The following PLEKHG1 variants were observed in gnomAD, a reference collection of about 807,000 sequenced individuals.
The protein encoded by PLEKHG1 is pleckstrin homology and RhoGEF domain containing G1.
Under a neutral mutation model 100.8 loss-of-function variants are expected in PLEKHG1, and 44 were observed. The observed-to-expected ratio is 0.44, with a 90% CI of 0.34 to 0.56. The LOEUF (loss-of-function observed/expected upper bound fraction) is 0.56, where lower values mean the gene tolerates loss of function less well. Ranked by LOEUF, PLEKHG1 falls within the 20% of genes least tolerant of loss-of-function variation. The pLI is 0.01. For synonymous variants in PLEKHG1, 640 were observed against 662.5 expected, an observed-to-expected ratio of 0.97 and a Z score of 0.52; for missense variants, 1,545 against 1,720.9, an observed-to-expected ratio of 0.90 and a Z score of 1.81.
chr6:150,640,039 G>C (rs1471364772), intron 2 of PLEKHG1, among the ~76,000 whole-genome samples: 4 of 152,232 alleles, frequency 2.6e-5, no homozygotes, highest in Non-Finnish European at 5.9e-5. Context: ...CTTAATAGCA[G>C]ATCTTGGCCT....
intron 3 of PLEKHG1, among the ~76,000 whole-genome samples, chr6:150,682,795 TC>T (rs1241961654): frequency 3.9e-5 from 6 of 152,100 alleles, no homozygotes; most frequent in Non-Finnish European, 8.8e-5. Context: ...TGCCCAGTTT[TC>T]CCTTCCTATG....
At chr6:150,823,929 A>G (rs1488676226) in intron 14 of PLEKHG1, among the ~76,000 whole-genome samples, 1 of 152,188 alleles carries the variant, frequency 6.6e-6, no homozygotes, top group African/African-American at 2.4e-5. Context: ...TCTGCCCCAT[A>G]TCACACCTCA....
intron 2 of PLEKHG1, among the ~76,000 whole-genome samples, chr6:150,765,029 G>C (rs1033790818): frequency 6.6e-6 from 1 of 152,062 alleles, no homozygotes; most frequent in Admixed American, 6.6e-5. Context: ...TGGGAGGAAG[G>C]CTTGTATAAA....
At chr6:150,766,283 G>A (rs1784450640) in intron 2 of PLEKHG1, among the ~76,000 whole-genome samples, 1 of 151,808 alleles carries the variant, frequency 6.6e-6, no homozygotes, top group South Asian at 2.1e-4. Flanking sequence ...GTAACCATAG[G>A]TGCTGACATC....
intron 3 of PLEKHG1, among the ~76,000 whole-genome samples, chr6:150,699,736 C>T (rs900190747): frequency 1.2e-4 from 18 of 152,158 alleles, no homozygotes; most frequent in African/African-American, 3.9e-4. Context: ...AACAATAATT[C>T]GGTGGTGTCT....
chr6:150,817,542 GC>G (rs1444714774), intron 10 of PLEKHG1, among the ~76,000 whole-genome samples: 3 of 150,154 alleles, frequency 2.0e-5, no homozygotes, highest in African/African-American at 7.4e-5. Flanking sequence ...GGGTTGGGTG[GC>G]AAGAATCTGC....
chr6:150,727,845 A>G (rs1782039418), intron 1 of PLEKHG1, among the ~76,000 whole-genome samples: 1 of 152,200 alleles, frequency 6.6e-6, no homozygotes. Flanking sequence ...AGAAATTCTT[A>G]CATTGTTGGC....
chr6:150,652,007 C>T (rs1416285530), intron 3 of PLEKHG1: 1 of 152,220 alleles, frequency 6.6e-6, no homozygotes, highest in Non-Finnish European at 1.5e-5. Flanking sequence ...TGACCCATTT[C>T]AGAGTCATTT....
intron 1 of PLEKHG1, 92 bp from the exon 3 acceptor site, chr6:150,733,490 CTG>C: frequency 9.1e-7 from 1 of 1,093,184 alleles, no homozygotes; most frequent in Non-Finnish European, 1.3e-6. Flanking sequence ...TTGTTATTGA[CTG>C]TATTTATTTG....
intron 3 of PLEKHG1, among the ~76,000 whole-genome samples, chr6:150,667,193 G>A (rs571071761): frequency 2.0e-4 from 31 of 152,152 alleles, no homozygotes; most frequent in Admixed American, 1.7e-3. Context: ...TTAGGGTTGG[G>A]TCTGCATCAC....
At chr6:150,751,219 A>G (rs543420188) in intron 2 of PLEKHG1, among the ~76,000 whole-genome samples, 1 of 152,186 alleles carries the variant, frequency 6.6e-6, no homozygotes. Context: ...ACGTGTCTTC[A>G]TGTAGTTGGA....
chr6:150,788,188 A>G (rs537396777), intron 4 of PLEKHG1, among the ~76,000 whole-genome samples: 1 of 152,378 alleles, frequency 6.6e-6, no homozygotes, highest in East Asian at 1.9e-4. Context: ...GCCAAGTTTA[A>G]TTAGAAGACT....
At chr6:150,797,091 G>T (rs1212240503) in intron 5 of PLEKHG1, among the ~76,000 whole-genome samples, 1 of 152,018 alleles carries the variant, frequency 6.6e-6, no homozygotes, top group Non-Finnish European at 1.5e-5. Context: ...TCTGGTTCAA[G>T]TGATTCTCCT....
At chr6:150,691,742 C>T (rs1562439836) in intron 3 of PLEKHG1, among the ~76,000 whole-genome samples, 1 of 152,214 alleles carries the variant, frequency 6.6e-6, no homozygotes, top group East Asian at 1.9e-4. Context: ...CAACCACCCA[C>T]CTTGTGAGAA....
chr6:150,840,855 A>C (rs1337614693), exon 16 of PLEKHG1: 2 of 1,612,966 alleles, frequency 1.2e-6, no homozygotes, highest in Non-Finnish European at 1.7e-6. Context: ...CCAGTCTCTA[A>C]GGGAAAAATT....
At chr6:150,756,270 G>A (rs868505216) in intron 2 of PLEKHG1, among the ~76,000 whole-genome samples, 1 of 152,126 alleles carries the variant, frequency 6.6e-6, no homozygotes, top group Non-Finnish European at 1.5e-5. Context: ...CCATCTGCAC[G>A]GTGCCTCTGC....
intron 3 of PLEKHG1, among the ~76,000 whole-genome samples, chr6:150,785,081 G>C (rs1334898750): frequency 6.7e-6 from 1 of 150,034 alleles, no homozygotes; most frequent in Non-Finnish European, 1.5e-5. Flanking sequence ...TAGTTGAGAA[G>C]ACAGAAGGGT....
At chr6:150,762,546 G>T (rs1269332927) in intron 2 of PLEKHG1, among the ~76,000 whole-genome samples, 1 of 151,630 alleles carries the variant, frequency 6.6e-6, no homozygotes, top group South Asian at 2.1e-4. Context: ...CCTTCCCCCT[G>T]CCCAAAGCTA....
At chr6:150,664,475 T>C (rs1779324018) in intron 3 of PLEKHG1, 2 of 152,210 alleles carry the variant, frequency 1.3e-5, no homozygotes, top group Non-Finnish European at 2.9e-5. Context: ...ACCATTAAAA[T>C]GGGGCCATTG....
Sources: allele counts gnomAD v4.1 joint callset (sites outside exome capture counted in the v4.1 genomes callset), GRCh38; gene constraint gnomAD v4.1.1; transcripts MANE v1.5; gene names NCBI Gene and HGNC (gene_info 2026-07-23, HGNC 2026-07-21).